ACTR3C: variants seen among roughly 807,000 people sequenced by gnomAD.
ACTR3C encodes actin related protein 3C.
A neutral mutation model predicts 26.3 loss-of-function variants in ACTR3C; 18 were observed. The ratio of observed to expected loss-of-function variants is 0.68; its 90% CI spans 0.47 to 1.01. ACTR3C has a LOEUF of 1.01. ACTR3C is among the 50% of genes least tolerant of loss of function. ACTR3C has a pLI of 0.00. For synonymous variants in ACTR3C, 55 were observed against 94.5 expected (o/e 0.58, Z 2.42); for missense variants, 184 against 250.7 (o/e 0.73, Z 1.80).
rs530914761 is a variant in ACTR3C at position 150,313,675 on chromosome 7, AGAG to A, written c.-52+9791_-52+9793del. 1.1e-3 allele frequency among the ~76,000 whole-genome samples: 169 copies of A among 152,270 alleles called. 1 individual carries two copies. The highest frequency in any genetic ancestry group is 4.0e-3 in the African/African-American group (167 of 41,536). ...CGTTAACTTTGCAATGCCCTGGCCA[AGAG>A]GAGGTGTGCATTCAGATGGTTGGAG... is the stretch of plus-strand genomic sequence containing the variant. On this transcript the variant is annotated intron_variant, in intron 1 of 7. Transcript: ENST00000683684.
At chr7:150,299,126 G>A (rs59783874) in intron 1 of ACTR3C, among the ~76,000 whole-genome samples, 5,753 of 151,478 alleles carry the variant, frequency 0.038, 359 homozygotes, top group African/African-American at 0.13. Flanking sequence ...GGGATTACAG[G>A]CACATGCCGT....
chr7:150,041,714 G>T, the ACTR3C span, among the ~76,000 whole-genome samples: 71 of 139,476 alleles, frequency 5.1e-4, no homozygotes, highest in African/African-American at 1.4e-3. Flanking sequence ...CTCGCGGGGG[G>T]TGCCTCCCCC....
chr7:150,180,027 C>G, the ACTR3C span, among the ~76,000 whole-genome samples: 1 of 150,590 alleles, frequency 6.6e-6, no homozygotes, highest in Admixed American at 6.6e-5. Context: ...CTTCCGTGGC[C>G]GGGCGCAGTG....
At chr7:150,150,658 C>T in the ACTR3C span, among the ~76,000 whole-genome samples, 1 of 138,728 alleles carries the variant, frequency 7.2e-6, no homozygotes, top group African/African-American at 2.5e-5. Context: ...TTTTCGGTGT[C>T]GTATAAACAT....
At chr7:150,280,675 G>A (rs1171140191) in intron 6 of ACTR3C, among the ~76,000 whole-genome samples, 2 of 152,116 alleles carry the variant, frequency 1.3e-5, no homozygotes, top group Admixed American at 1.3e-4. Context: ...CATTGAAAAA[G>A]GTAGCTGTGT....
At chr7:149,900,938 C>T in the ACTR3C span, among the ~76,000 whole-genome samples, 1 of 152,086 alleles carries the variant, frequency 6.6e-6, no homozygotes, top group African/African-American at 2.4e-5. Flanking sequence ...GAGGCTGAGG[C>T]AGGAGAATCG....
chr7:150,310,735 C>T (rs1055674904), intron 1 of ACTR3C, among the ~76,000 whole-genome samples: 1 of 152,186 alleles, frequency 6.6e-6, no homozygotes, highest in Non-Finnish European at 1.5e-5. Flanking sequence ...ACAGCCCACA[C>T]TACTTTGGTC....
At chr7:150,169,405 A>AAAG in the ACTR3C span, among the ~76,000 whole-genome samples, 4 of 140,916 alleles carry the variant, frequency 2.8e-5, 1 homozygote, top group African/African-American at 6.0e-5. Flanking sequence ...AAAAAAAAAA[A>AAAG]GAAGAAGAAG....
the ACTR3C span, among the ~76,000 whole-genome samples, chr7:150,155,089 A>G: frequency 6.6e-6 from 1 of 152,190 alleles, no homozygotes; most frequent in Non-Finnish European, 1.5e-5. Context: ...GACAAATAGA[A>G]GCAATATCAC....
the ACTR3C span, among the ~76,000 whole-genome samples, chr7:150,082,934 C>CTTTTCTTTTTTTCTTTTTTTTTT: frequency 9.5e-6 from 1 of 104,976 alleles, no homozygotes; most frequent in African/African-American, 3.8e-5. Context: ...TCTTTTTTTT[C>CTTTTCTTTTTTTCTTTTTTTTTT]TTTTTTTTTT....
the ACTR3C span, among the ~76,000 whole-genome samples, chr7:150,065,287 G>T: frequency 4.6e-5 from 7 of 152,300 alleles, no homozygotes; most frequent in African/African-American, 1.4e-4. Context: ...TGAATAGAAT[G>T]ATTTATATAA....
chr7:149,881,720 A>G, the ACTR3C span: 1 of 152,478 alleles, frequency 6.6e-6, no homozygotes, highest in Non-Finnish European at 1.5e-5. Context: ...AGAGAACCCC[A>G]AGGAGTGTGA....
the ACTR3C span, among the ~76,000 whole-genome samples, chr7:149,917,458 T>C: frequency 6.6e-6 from 1 of 152,200 alleles, no homozygotes; most frequent in South Asian, 2.1e-4. Flanking sequence ...AGCAGTAATA[T>C]GTAGACTTTT....
the ACTR3C span, among the ~76,000 whole-genome samples, chr7:150,213,587 T>G: frequency 3.9e-5 from 6 of 152,000 alleles, no homozygotes; most frequent in African/African-American, 1.5e-4. Context: ...TTCCTAAGCA[T>G]GATAGACTGA....
chr7:149,989,780 C>T, the ACTR3C span, among the ~76,000 whole-genome samples: 2 of 152,212 alleles, frequency 1.3e-5, no homozygotes, highest in South Asian at 4.2e-4. Flanking sequence ...ATTTCAGTTC[C>T]TTTGGTTCTA....
At chr7:150,221,122 TGTCA>T in the ACTR3C span, among the ~76,000 whole-genome samples, 3 of 152,258 alleles carry the variant, frequency 2.0e-5, no homozygotes, top group Non-Finnish European at 4.4e-5. Context: ...GCGAGCGCTC[TGTCA>T]GTTGAGCAGG....
the ACTR3C span, among the ~76,000 whole-genome samples, chr7:149,933,671 A>G: frequency 6.6e-6 from 1 of 152,238 alleles, no homozygotes; most frequent in African/African-American, 2.4e-5. Context: ...AGCAACACAC[A>G]GAGTCTGGGT....
At chr7:150,175,908 T>C in the ACTR3C span, among the ~76,000 whole-genome samples, 2 of 148,346 alleles carry the variant, frequency 1.3e-5, no homozygotes, top group Non-Finnish European at 2.9e-5. Context: ...GAGATGTGAA[T>C]AGGTATGGGT....
the ACTR3C span, among the ~76,000 whole-genome samples, chr7:150,066,146 A>G: frequency 6.6e-6 from 1 of 152,220 alleles, no homozygotes; most frequent in Admixed American, 6.5e-5. Flanking sequence ...AAACATACAC[A>G]CACATACACA....
Sources: gnomAD v4.1 joint callset for allele counts (sites outside exome capture counted in the v4.1 genomes callset) on GRCh38, gnomAD v4.1.1 for gene constraint, MANE v1.5 for transcripts, NCBI Gene and HGNC (gene_info 2026-07-23, HGNC 2026-07-21) for gene names.